Variants in CCDC183 observed in about 807,000 individuals in gnomAD.
The protein encoded by CCDC183 is coiled-coil domain-containing protein 183.
Under a neutral mutation model 65.2 loss-of-function variants are expected in CCDC183, and 63 were observed. The observed-to-expected ratio is 0.97, with a 90% CI of 0.79 to 1.19. The LOEUF is 1.19. Ranked by LOEUF, CCDC183 falls within the 50% of genes most tolerant of loss-of-function variation. The probability of loss-of-function intolerance (pLI) is 0.00; values close to 1 mark genes in which losing one functional copy is unlikely to be tolerated. For synonymous variants in CCDC183, 323 were observed against 276.5 expected (o/e 1.17, Z -1.67); for missense variants, 769 against 689.3 (o/e 1.12, Z -1.30).
chr9:136,799,010 T>C (rs1246909573), intron 1 of CCDC183, 92 bp from the exon 2 acceptor site: 2 of 1,559,284 alleles, frequency 1.3e-6, no homozygotes, highest in Non-Finnish European at 1.7e-6. Flanking sequence ...CCCTGGGGCC[T>C]GGGGCCTCCC....
chr9:136,807,130 G>A, intron 13 of CCDC183, 64 bp downstream of exon 13: 1 of 1,480,466 alleles, frequency 6.8e-7, no homozygotes, highest in Non-Finnish European at 9.4e-7. Context: ...TCGGGGTGGC[G>A]CCGGCTCCCA....
Position 136,805,477 on chromosome 9 carries a change from C to A in CCDC183, c.948+20C>A, listed in dbSNP as rs758363905. On this transcript the variant is annotated intron_variant, in intron 9 of 13. Transcript: ENST00000338005. ...GTCTGGGTAATGCCCCTGGCGCTCC[C>A]AGAGAATGGCAGGAGGGTGGCTGAG... 32 of 1,604,580 alleles carry A rather than the reference C, an allele frequency of 2.0e-5. No homozygotes were observed. Among genetic ancestry groups the A allele is most frequent in the Non-Finnish European group, 2.6e-5 (31 of 1,172,756 alleles).
intron 2 of CCDC183, 52 bp from the exon 3 acceptor site, chr9:136,799,661 G>A: frequency 6.6e-7 from 1 of 1,518,072 alleles, no homozygotes; most frequent in Admixed American, 1.7e-5. Context: ...AGGAGCCAGC[G>A]GCTGCGGGTG....
rs1439362461 is a variant in CCDC183 at position 136,799,766 on chromosome 9, G to T, written c.246G>T (p.Leu82=). The part of the protein sequence containing the change: ...KACGKNLPLR[L]AHCRSTMEVV... ...GCGGGAAAAACTTGCCTTTGCGACT[G>T]GCGCACTGCCGCAGCACCATGGAGG... The change falls in exon 3 of 14, where the codon CTG becomes CTT. Residue 82 remains leucine, a synonymous_variant. Coordinates refer to ENST00000338005, the MANE Select transcript of CCDC183 (RefSeq NM_001039374.5). 1 of 1,613,014 alleles carries T rather than the reference G, an allele frequency of 6.2e-7. No homozygotes were observed. The highest frequency in any genetic ancestry group is 1.3e-5 in the African/African-American group (1 of 74,930).
At chr9:136,807,121 C>CG in intron 13 of CCDC183, 55 bp downstream of exon 13, 2 of 1,548,306 alleles carry the variant, frequency 1.3e-6, no homozygotes, top group Non-Finnish European at 8.9e-7. Flanking sequence ...GAACACAGGT[C>CG]GGGGTGGCGC....
chr9:136,805,267 G>C lies in CCDC183; in HGVS notation c.848-90G>C, dbSNP rs991042958. On this transcript the variant is annotated intron_variant, in intron 8 of 13. Coordinates refer to ENST00000338005, the MANE Select transcript of CCDC183 (RefSeq NM_001039374.5). ...TGTGTCTTGGGTGGCCGCCCCAGCA[G>C]CTGGGCAGGTACAGAGGTGTCTGAC... The C allele has an allele frequency of 4.7e-6, 5 of 1,072,842 alleles. No individual in the cohort carries two copies. In the African/African-American group the frequency reaches 7.8e-5, roughly 17 times the overall value. 66.5% of individuals were successfully genotyped at this position (1,072,842 alleles called of 1,614,324 possible).
rs1332535230 is a variant in CCDC183 at position 136,804,460 on chromosome 9, T to C, written c.667-42T>C. The C allele has an allele frequency of 1.9e-6, 3 of 1,596,274 alleles. No homozygotes were observed. In the African/African-American group the frequency reaches 4.0e-5, roughly 21 times the overall value. On this transcript the variant is annotated intron_variant, in intron 6 of 13. Transcript: ENST00000338005. The surrounding 1 kb of genome is among the most constrained non-coding windows in gnomAD (Gnocchi z 4.1). ...GCTTTACTGCCATTAGGGGCCTTGTTGAGACAGCTCCCCAACCCTGTGCCC... is the reference window on the plus strand; with the variant it reads ...GCTTTACTGCCATTAGGGGCCTTGTCGAGACAGCTCCCCAACCCTGTGCCC...
chr9:136,804,559 C>T lies in CCDC183; in HGVS notation c.724C>T (p.Arg242Trp), dbSNP rs538949974. The T allele has an allele frequency of 2.2e-5, 36 of 1,613,594 alleles. No homozygotes were observed. The highest frequency in any genetic ancestry group is 6.6e-5 in the South Asian group (6 of 91,076). Reference sequence around the variant, plus strand: ...CGAGGAGCGCCGGGCAAGGGAGAACCGGCTCAACCAGCAGAAGAAGCTGAT... The same window carrying T: ...CGAGGAGCGCCGGGCAAGGGAGAACTGGCTCAACCAGCAGAAGAAGCTGAT... ...FIEERRAREN[R>W]LNQQKKLIDK... The change falls in exon 7 of 14, where the codon CGG becomes TGG. Residue 242 changes from arginine to tryptophan, a missense_variant. Physicochemically the swap from Arg to Trp is moderately radical, Grantham distance 101 (BLOSUM62 -3). Coordinates refer to ENST00000338005, the MANE Select transcript of CCDC183 (RefSeq NM_001039374.5). The surrounding 1 kb of genome is among the most constrained non-coding windows in gnomAD (Gnocchi z 4.1).
intron 5 of CCDC183, 65 bp from the exon 6 acceptor site, chr9:136,802,599 G>T (rs1376880037): frequency 1.3e-6 from 2 of 1,543,152 alleles, no homozygotes; most frequent in Admixed American, 2.0e-5. Context: ...TTAGTCGGGG[G>T]ATAAAAGCTC....
intron 5 of CCDC183, among the ~76,000 whole-genome samples, chr9:136,801,520 A>C (rs2131131061): frequency 6.6e-6 from 1 of 152,158 alleles, no homozygotes; most frequent in South Asian, 2.1e-4. Context: ...AGCCTGGCCA[A>C]CATGGTGAAA....
rs762108665 is a variant in CCDC183, at chr9:136,804,567, CCAG to C, written c.736_738del (p.Gln246del). ...GCCGGGCAAGGGAGAACCGGCTCAA[CCAG>C]CAGAAGAAGCTGATCGACAAGATCC... On this transcript the variant is annotated inframe_deletion, in exon 7 of 14. Transcript: ENST00000338005. This position sits in a 1 kb window ranked among gnomAD's most constrained non-coding sequence, Gnocchi z 4.1. The C allele has an allele frequency of 6.8e-6, 11 of 1,613,038 alleles. No homozygotes were observed. The African/African-American group carries it at 1.3e-4, about 20-fold the overall frequency.
chr9:136,800,138 A>T lies in CCDC183; in HGVS notation c.407A>T (p.Asp136Val), dbSNP rs975941262. The T allele has an allele frequency of 3.2e-5, 44 of 1,371,214 alleles. No homozygotes were observed. Among genetic ancestry groups the T allele is most frequent in the Non-Finnish European group, 3.8e-5 (39 of 1,039,882 alleles). 84.9% of individuals were successfully genotyped at this position (1,371,214 alleles called of 1,614,324 possible). Residue 136 changes from aspartate (D) to valine (V), a missense_variant, in exon 4 of 14, where the codon GAC becomes GTC. Physicochemically the swap from Asp to Val is radical, Grantham distance 152. Coordinates refer to ENST00000338005, the MANE Select transcript of CCDC183 (RefSeq NM_001039374.5). The part of the protein sequence containing the change: ...LELDSLRSQP[D>V]ASKEELRLLQ... ...CTGGACAGCCTGCGGAGCCAGCCCG[A>T]CGCCAGCAAGGAGGAGCTGCGGCTG...
chr9:136,802,812 G>T (rs777698499), intron 6 of CCDC183, 26 bp downstream of exon 6: 1 of 1,514,526 alleles, frequency 6.6e-7, no homozygotes, highest in East Asian at 2.3e-5. Flanking sequence ...AGGGCTGGGG[G>T]CCCCCCAGGG....
Position 136,796,474 on chromosome 9 carries a change from C to T in CCDC183, c.70+7C>T, listed in dbSNP as rs779476187. The T allele has an allele frequency of 3.2e-6, 5 of 1,554,636 alleles. No individual in the cohort carries two copies. The African/African-American group carries it at 4.0e-5, about 13-fold the overall frequency. ...ACCATCACTCAGCTCCAGGGTGAGC[C>T]TGCACCGCCGTGACCAGTCTCCCTT... On this transcript the variant is annotated splice_region_variant and intron_variant, in intron 1 of 13. Coordinates refer to ENST00000338005, the MANE Select transcript of CCDC183 (RefSeq NM_001039374.5).
chr9:136,796,484 G>T lies in CCDC183; in HGVS notation c.70+17G>T, dbSNP rs562242644. ...AGCTCCAGGGTGAGCCTGCACCGCCGTGACCAGTCTCCCTTTCCCGTCTGG... is the reference window on the plus strand; with the variant it reads ...AGCTCCAGGGTGAGCCTGCACCGCCTTGACCAGTCTCCCTTTCCCGTCTGG... On this transcript the variant is annotated intron_variant, in intron 1 of 13. Transcript: ENST00000338005. 3 of 1,548,776 alleles carry T rather than the reference G, an allele frequency of 1.9e-6. No homozygotes were observed. Among genetic ancestry groups the T allele is most frequent in the Non-Finnish European group, 2.6e-6 (3 of 1,141,590 alleles).
chr9:136,798,492 T>G (rs1847686238), intron 1 of CCDC183, among the ~76,000 whole-genome samples: 1 of 151,788 alleles, frequency 6.6e-6, no homozygotes, highest in Non-Finnish European at 1.5e-5. Context: ...AGATGGGGTT[T>G]CACCATGTTG....
chr9:136,807,539 G>T, intron 13 of CCDC183, 33 bp from the exon 14 acceptor site: 3 of 1,562,436 alleles, frequency 1.9e-6, no homozygotes, highest in Non-Finnish European at 2.6e-6. Flanking sequence ...AGCTGGGCTA[G>T]CCCCGTGTGC....
chr9:136,798,087 C>A (rs1249993730), intron 1 of CCDC183, among the ~76,000 whole-genome samples: 2 of 152,218 alleles, frequency 1.3e-5, no homozygotes, highest in African/African-American at 4.8e-5. Flanking sequence ...CACACTGCAA[C>A]CTCCACCTCC....
chr9:136,797,566 G>T (rs1847672176), intron 1 of CCDC183, among the ~76,000 whole-genome samples: 1 of 149,940 alleles, frequency 6.7e-6, no homozygotes, highest in African/African-American at 2.5e-5. Flanking sequence ...AGCCTCCCAA[G>T]TAGCTGGGAC....
Sources: allele counts gnomAD v4.1 joint callset (sites outside exome capture counted in the v4.1 genomes callset), GRCh38; gene constraint gnomAD v4.1.1; non-coding constraint Gnocchi (gnomAD v3.1); transcripts MANE v1.5; gene names NCBI Gene and HGNC (gene_info 2026-07-23, HGNC 2026-07-21).